The following C4orf50 variants were observed in gnomAD, a reference collection of about 807,000 sequenced individuals.
C4orf50 encodes chromosome 4 open reading frame 50.
C4orf50 carries 80 observed loss-of-function variants against 77.2 expected under a neutral mutation model. The observed-to-expected ratio is 1.04, with a 90% CI of 0.87 to 1.25. The LOEUF (loss-of-function observed/expected upper bound fraction) is 1.25, where lower values mean the gene tolerates loss of function less well. Ranked by LOEUF, C4orf50 falls within the 50% of genes most tolerant of loss-of-function variation. The probability of loss-of-function intolerance (pLI) is 0.00; values close to 1 mark genes in which losing one functional copy is unlikely to be tolerated. For synonymous variants in C4orf50, 532 were observed against 465.3 expected (o/e 1.14, Z -1.84); for missense variants, 1,257 against 1,152.9 (o/e 1.09, Z -1.31).
chr4:5,989,803 TCCTCGGGGGCACCCCTGCAC>T lies in C4orf50; in HGVS notation c.2223_2242del (p.Cys742AlafsTer2). The stretch of plus-strand genomic sequence containing the variant: ...GCTCTCATGTTCCTGGGAGTCAGGC[TCCTCGGGGGCACCCCTGCAC>T]CCCAGACCGGATGCTTCTTGATGCG... On this transcript the variant is annotated frameshift_variant, in exon 28 of 34. Transcript: ENST00000531445. LOFTEE classifies it high-confidence loss of function. 1 of 1,507,554 alleles carries T rather than the reference TCCTCGGGGGCACCCCTGCAC, an allele frequency of 6.6e-7. No homozygotes were observed. The highest frequency in any genetic ancestry group is 8.8e-7 in the Non-Finnish European group (1 of 1,129,946). The allele number at this position is 1,507,554 out of a possible 1,614,324, so 93.4% of individuals were successfully genotyped here.
exon 34 of C4orf50, chr4:5,959,457 A>T: frequency 6.2e-7 from 1 of 1,614,192 alleles, no homozygotes; most frequent in Non-Finnish European, 8.5e-7. Flanking sequence ...AAAAGCCAGG[A>T]TCCTTGCTGG....
At chr4:5,913,021 C>A (rs1281398814) in intron 7 of C4orf50, among the ~76,000 whole-genome samples, 2 of 152,214 alleles carry the variant, frequency 1.3e-5, no homozygotes, top group Non-Finnish European at 2.9e-5. Flanking sequence ...AATTAGCCAG[C>A]CCTGGCAGGG....
intron 7 of C4orf50, chr4:5,903,926 C>T (rs1426728449): frequency 1.3e-5 from 2 of 152,082 alleles, no homozygotes; most frequent in Non-Finnish European, 2.9e-5. Flanking sequence ...CAAATCTGGC[C>T]CAAGGGCTGC....
chr4:5,960,383 T>A (rs988374499), intron 33 of C4orf50, among the ~76,000 whole-genome samples: 2 of 152,082 alleles, frequency 1.3e-5, no homozygotes, highest in Admixed American at 6.6e-5. Flanking sequence ...CTCTAAAGGG[T>A]GTGGCAGGTG....
chr4:5,970,742 G>A lies in C4orf50; in HGVS notation c.4104+2917C>T, dbSNP rs776653100. 6.6e-5 allele frequency among the ~76,000 whole-genome samples: 10 copies of A among 152,186 alleles called. No individual in the cohort carries two copies. The highest frequency in any genetic ancestry group is 1.4e-4 in the African/African-American group (6 of 41,466). ...GCTGCTTGCATGGGCACCAGGCCAC[G>A]CCACCTCCTCCTGAAAGGGTAGAGC... On this transcript the variant is annotated intron_variant, in intron 31 of 33. Coordinates refer to ENST00000531445, the Ensembl canonical transcript of C4orf50. This position sits in a 1 kb window ranked among gnomAD's most constrained non-coding sequence, Gnocchi z 4.3.
chr4:5,989,407 G>A (rs1235873763), exon 28 of C4orf50: 42 of 1,535,862 alleles, frequency 2.7e-5, no homozygotes, highest in African/African-American at 4.1e-5. Flanking sequence ...GGTCTTTCCC[G>A]GCTTATCACC....
At chr4:5,979,165 T>G (rs1303771750) in intron 29 of C4orf50, among the ~76,000 whole-genome samples, 1 of 152,236 alleles carries the variant, frequency 6.6e-6, no homozygotes, top group South Asian at 2.1e-4. Flanking sequence ...AGTTAATGAT[T>G]TATATATCCT....
At chr4:5,936,737 A>G (rs963171715) in intron 7 of C4orf50, among the ~76,000 whole-genome samples, 1 of 152,268 alleles carries the variant, frequency 6.6e-6, no homozygotes, top group African/African-American at 2.4e-5. Context: ...AGAATTTTTC[A>G]GAAATGCTGA....
intron 30 of C4orf50, among the ~76,000 whole-genome samples, chr4:5,975,563 G>A (rs1720226625): frequency 6.6e-6 from 1 of 152,130 alleles, no homozygotes; most frequent in Admixed American, 6.6e-5. Flanking sequence ...CCAAGCTGGA[G>A]AGCAGTGACG....
At position 5,965,255 on chromosome 4, in the gene C4orf50, A is replaced by G. The variant is rs1160818085; in HGVS notation, c.4154-110T>C. On this transcript the variant is annotated intron_variant, in intron 32 of 33. Coordinates refer to ENST00000531445, the Ensembl canonical transcript of C4orf50. ...TTCACTCTCTAGCCATTCCCAGATC[A>G]TTCCCAGTTTCCATGCCCCGGGGCA... is the stretch of plus-strand genomic sequence containing the variant. The G allele has an allele frequency of 1.4e-5, 17 of 1,195,422 alleles. 1 individual carries two copies. Among genetic ancestry groups the G allele is most frequent in the South Asian group, 1.7e-5 (1 of 60,562 alleles). The allele number at this position is 1,195,422 out of a possible 1,614,324, so 74.1% of individuals were successfully genotyped here.
At chr4:6,004,693 GTGATAA>G (rs1722169774) in intron 25 of C4orf50, among the ~76,000 whole-genome samples, 1 of 121,282 alleles carries the variant, frequency 8.2e-6, no homozygotes, top group African/African-American at 3.1e-5. Flanking sequence ...GGTGGTGATG[GTGATAA>G]TGGTGATGGT....
rs566336511 is a variant in C4orf50, at chr4:6,015,975, G to A, written c.287+2170C>T. On this transcript the variant is annotated intron_variant, in intron 23 of 33. Transcript: ENST00000531445. This position sits in a 1 kb window ranked among gnomAD's most constrained non-coding sequence, Gnocchi z 4.4. ...ATAGTCCCAGCCTGCGTGAGTGTGC[G>A]CGTGGGTGTGAGTGTCCTGTTCAGG... 1.1e-4 allele frequency among the ~76,000 whole-genome samples: 16 copies of A among 152,308 alleles called. No homozygotes were observed. The East Asian group carries it at 1.4e-3, about 13-fold the overall frequency.
At position 6,015,905 on chromosome 4, in the gene C4orf50, G is replaced by T. The variant is rs556690144; in HGVS notation, c.287+2240C>A. On this transcript the variant is annotated intron_variant, in intron 23 of 33. Transcript: ENST00000531445. This position sits in a 1 kb window ranked among gnomAD's most constrained non-coding sequence, Gnocchi z 4.4. Reference sequence around the variant, plus strand: ...TGATTGGTCTTAGAGACCAGCCGGCGAATCTGGGTCCATATCCCCATGTCA... The same window carrying T: ...TGATTGGTCTTAGAGACCAGCCGGCTAATCTGGGTCCATATCCCCATGTCA... Among the ~76,000 whole-genome samples, 23 of 152,094 alleles carry T rather than the reference G, an allele frequency of 1.5e-4. No individual in the cohort carries two copies. The highest frequency in any genetic ancestry group is 2.5e-4 in the Non-Finnish European group (17 of 68,026).
chr4:5,959,265 C>G, exon 34 of C4orf50: 1 of 1,287,318 alleles, frequency 7.8e-7, no homozygotes, highest in Non-Finnish European at 1.1e-6. Flanking sequence ...AAACCACTTG[C>G]CACTAAATGA....
Position 5,980,161 on chromosome 4 carries a change from G to A in C4orf50, c.3864+13C>T. On this transcript the variant is annotated intron_variant, in intron 29 of 33. Transcript: ENST00000531445. ...CCTGGCTGACAAGAGGGGAAAGAAA[G>A]CACTTCCCACACCTTGGCCTGGAGC... is the stretch of plus-strand genomic sequence containing the variant. 6 of 1,559,708 alleles carry A rather than the reference G, an allele frequency of 3.8e-6. No individual in the cohort carries two copies. In the South Asian group the frequency reaches 5.9e-5, roughly 15 times the overall value.
exon 28 of C4orf50, chr4:5,990,780 C>G (rs960335135): frequency 5.0e-6 from 2 of 399,030 alleles, no homozygotes; most frequent in African/African-American, 2.1e-5. Flanking sequence ...AGCCACAGAC[C>G]AGGAGAAGAA....
chr4:5,941,375 C>T (rs1414638884), intron 7 of C4orf50, among the ~76,000 whole-genome samples: 2 of 152,178 alleles, frequency 1.3e-5, no homozygotes, highest in Non-Finnish European at 1.5e-5. Context: ...GAGACCGGAA[C>T]TCTGGCATGC....
At chr4:5,913,238 C>T (rs933352459) in intron 7 of C4orf50, among the ~76,000 whole-genome samples, 1 of 152,182 alleles carries the variant, frequency 6.6e-6, no homozygotes, top group East Asian at 1.9e-4. Context: ...GAAGGAGATA[C>T]TCAGAGGCCT....
downstream of C4orf50, among the ~76,000 whole-genome samples, chr4:5,954,473 G>A (rs1190159070): frequency 6.6e-6 from 1 of 152,094 alleles, no homozygotes; most frequent in Non-Finnish European, 1.5e-5. This position sits in a 1 kb window ranked among gnomAD's most constrained non-coding sequence, Gnocchi z 4.7. Context: ...AGCAGATGAG[G>A]GAGGTGATGT....
Sources: gnomAD v4.1 joint callset for allele counts (sites outside exome capture counted in the v4.1 genomes callset) on GRCh38, gnomAD v4.1.1 for gene constraint, Gnocchi (gnomAD v3.1) non-coding constraint, MANE v1.5 for transcripts, NCBI Gene and HGNC (gene_info 2026-07-23, HGNC 2026-07-21) for gene names.